The following MIER3 variants were observed in gnomAD, a reference collection of about 807,000 sequenced individuals.
MIER3 encodes MIER family member 3.
Under a neutral mutation model 63.2 loss-of-function variants are expected in MIER3, and 9 were observed. That is an observed-to-expected ratio of 0.14 (90% confidence interval 0.09 to 0.25). MIER3 has a LOEUF of 0.25. MIER3 is among the 10% of genes least tolerant of loss of function. The probability of loss-of-function intolerance (pLI) is 1.00; values close to 1 mark genes in which losing one functional copy is unlikely to be tolerated. For synonymous variants in MIER3, 205 were observed against 224.9 expected (o/e 0.91, Z 0.79); for missense variants, 512 against 666.2 (o/e 0.77, Z 2.55).
chr5:56,943,103 C>T (rs1290230049), intron 3 of MIER3, among the ~76,000 whole-genome samples: 12 of 152,016 alleles, frequency 7.9e-5, no homozygotes, highest in Admixed American at 7.9e-4. Context: ...CATGATGATA[C>T]CGCTGCACTC....
Position 56,935,430 on chromosome 5 carries a change from T to C in MIER3, c.593A>G (p.Lys198Arg). The change falls in exon 7 of 13, where the codon AAA becomes AGA. Residue 198 changes from lysine to arginine, a missense_variant and splice_region_variant. Lys to Arg is a conservative substitution (Grantham distance 26). This residue lies in a region of MIER3 where 118 missense variants were observed against 133.6 expected (regional missense o/e 0.88). Coordinates refer to ENST00000381199, the MANE Select transcript of MIER3 (RefSeq NM_001297599.2). ...PYLGEYDGNEKVYENEDQLLW... is the reference protein window; with the variant it reads ...PYLGEYDGNERVYENEDQLLW... ...TCAAAATCAAAAGCTTTCCTTACCT[T>C]TCTCATTACCATCGTACTCTCCAAG... The C allele has an allele frequency of 6.3e-7, 1 of 1,580,914 alleles. No homozygotes were observed. Among genetic ancestry groups the C allele is most frequent in the Non-Finnish European group, 8.6e-7 (1 of 1,169,118 alleles).
At chr5:56,929,754 A>G (rs879164762) in intron 9 of MIER3, among the ~76,000 whole-genome samples, 1 of 152,202 alleles carries the variant, frequency 6.6e-6, no homozygotes, top group Non-Finnish European at 1.5e-5. Context: ...ATGTTGGTGA[A>G]TTCCGTATCT....
At chr5:56,940,753 T>G (rs1750617727) in intron 3 of MIER3, among the ~76,000 whole-genome samples, 1 of 152,244 alleles carries the variant, frequency 6.6e-6, no homozygotes, top group Non-Finnish European at 1.5e-5. Context: ...ATGGGGAAAC[T>G]TCAATGAATT....
At chr5:56,935,406 C>A (rs1164383094) in intron 7 of MIER3, 22 bp downstream of exon 7, 1 of 1,550,664 alleles carries the variant, frequency 6.4e-7, no homozygotes, top group South Asian at 1.2e-5. Flanking sequence ...CAAACATTAT[C>A]AAAATCAAAA....
chr5:56,944,573 T>C (rs1750763387), intron 3 of MIER3, among the ~76,000 whole-genome samples: 1 of 152,152 alleles, frequency 6.6e-6, no homozygotes, highest in Admixed American at 6.5e-5. Context: ...ACACAACTGA[T>C]GGTATCACTG....
At chr5:56,952,026 CG>C in intron 1 of MIER3, 67 bp downstream of exon 1, 4 of 1,229,282 alleles carry the variant, frequency 3.3e-6, no homozygotes, top group South Asian at 2.1e-5. Flanking sequence ...CAGGCTGGCT[CG>C]GGGGTCGCGG....
intron 8 of MIER3, among the ~76,000 whole-genome samples, chr5:56,932,217 G>A (rs1251857299): frequency 6.6e-6 from 1 of 151,984 alleles, no homozygotes; most frequent in African/African-American, 2.4e-5. Context: ...CTGACATTGC[G>A]CCACTGCACT....
At chr5:56,929,959 G>A (rs1171599590) in intron 9 of MIER3, among the ~76,000 whole-genome samples, 5 of 152,100 alleles carry the variant, frequency 3.3e-5, no homozygotes, top group African/African-American at 1.2e-4. Flanking sequence ...AGTTTTGAGA[G>A]CCTAAAATAA....
At position 56,922,961 on chromosome 5, in the gene MIER3, G is replaced by A. The variant is rs1579828381; in HGVS notation, c.*167C>T. The A allele has an allele frequency of 1.6e-6, 1 of 628,890 alleles. No individual in the cohort carries two copies. Among genetic ancestry groups the A allele is most frequent in the Non-Finnish European group, 2.7e-6 (1 of 366,260 alleles). 39.0% of individuals were successfully genotyped at this position (628,890 alleles called of 1,614,324 possible). On this transcript the variant is annotated 3_prime_UTR_variant, in exon 13 of 13. Coordinates refer to ENST00000381199, the MANE Select transcript of MIER3 (RefSeq NM_001297599.2). ...TAGTTCATTTCCACATTTATGGATT[G>A]AAAAATGAAAATACTCTTGATAAAT... is the stretch of plus-strand genomic sequence containing the variant.
chr5:56,933,988 T>G (rs1750360077), intron 7 of MIER3, among the ~76,000 whole-genome samples: 1 of 152,060 alleles, frequency 6.6e-6, no homozygotes, highest in Non-Finnish European at 1.5e-5. Context: ...TTCCACAATC[T>G]CTTAAAGACA....
chr5:56,939,197 T>C (rs1198265609), intron 3 of MIER3, among the ~76,000 whole-genome samples, 180 bp from the exon 4 acceptor site: 1 of 152,256 alleles, frequency 6.6e-6, no homozygotes, highest in Admixed American at 6.5e-5. Context: ...CCTGGAGCTA[T>C]AATTAATGTA....
chr5:56,937,785 G>C lies in MIER3; in HGVS notation c.316-87C>G, dbSNP rs960799995. 5.9e-6 allele frequency: 7 copies of C among 1,177,502 alleles called. No individual in the cohort carries two copies. The African/African-American group carries it at 9.6e-5, about 16-fold the overall frequency. 72.9% of individuals were successfully genotyped at this position (1,177,502 alleles called of 1,614,324 possible). A position where few individuals can be genotyped will look rare whatever the true frequency, so the allele number is the denominator to read the frequency against. ...CTATCTTTTTATAACATATCATTAA[G>C]AAGCAGTTGGAACCTTATGAGAGAA... On this transcript the variant is annotated intron_variant, in intron 4 of 12. Coordinates refer to ENST00000381199, the MANE Select transcript of MIER3 (RefSeq NM_001297599.2).
Position 56,938,242 on chromosome 5 carries a change from G to T in MIER3, c.316-544C>A, listed in dbSNP as rs565818937. ...TTGTTGAATGACTATGGTCATTAAG[G>T]TCTGTGGTACATTAATATCACATTG... On this transcript the variant is annotated intron_variant, in intron 4 of 12. Transcript: ENST00000381199. 50 of 471,142 alleles carry T rather than the reference G, an allele frequency of 1.1e-4. 1 individual carries two copies. The highest frequency in any genetic ancestry group is 7.6e-4 in the South Asian group (49 of 64,572). 29.2% of individuals were successfully genotyped at this position (471,142 alleles called of 1,614,324 possible). A position where few individuals can be genotyped will look rare whatever the true frequency, so the allele number is the denominator to read the frequency against.
intron 8 of MIER3, among the ~76,000 whole-genome samples, chr5:56,932,748 G>C (rs192188150): frequency 5.3e-4 from 80 of 152,220 alleles, no homozygotes; most frequent in Admixed American, 2.6e-3. Context: ...AGTCTTAATA[G>C]ACATTACTTT....
At chr5:56,923,665 T>A (rs1749802288) in intron 12 of MIER3, 26 bp downstream of exon 12, 2 of 1,614,120 alleles carry the variant, frequency 1.2e-6, no homozygotes, top group Non-Finnish European at 1.7e-6. Flanking sequence ...CAAACTGTAC[T>A]AAATGCAGAA....
At chr5:56,941,960 T>C (rs1329457564) in intron 3 of MIER3, among the ~76,000 whole-genome samples, 1 of 152,066 alleles carries the variant, frequency 6.6e-6, no homozygotes, top group Non-Finnish European at 1.5e-5. Context: ...AGCAATTGCC[T>C]AGATGGTGGT....
intron 1 of MIER3, among the ~76,000 whole-genome samples, chr5:56,951,014 C>G (rs1223095925): frequency 6.6e-6 from 1 of 152,172 alleles, no homozygotes; most frequent in Non-Finnish European, 1.5e-5. Flanking sequence ...CCAAATCCCA[C>G]CCGGCTCTCC....
chr5:56,938,525 G>T lies in MIER3; in HGVS notation c.315+358C>A, dbSNP rs1174758143. Among the ~76,000 whole-genome samples, 3 of 152,172 alleles carry T rather than the reference G, an allele frequency of 2.0e-5. No individual in the cohort carries two copies. The East Asian group carries it at 5.8e-4, about 29-fold the overall frequency. ...CAGAACTTCTCTCCAACCACTCCAC[G>T]CCTAAGCCAGCTTGGTTTGAAGGCT... is the stretch of plus-strand genomic sequence containing the variant. On this transcript the variant is annotated intron_variant, in intron 4 of 12. Coordinates refer to ENST00000381199, the MANE Select transcript of MIER3 (RefSeq NM_001297599.2).
intron 2 of MIER3, among the ~76,000 whole-genome samples, chr5:56,948,233 A>G (rs1358080980): frequency 6.6e-6 from 1 of 152,258 alleles, no homozygotes; most frequent in Non-Finnish European, 1.5e-5. Context: ...TTCTGGGTTC[A>G]GAGAACTCTA....
Sources: allele counts gnomAD v4.1 joint callset (sites outside exome capture counted in the v4.1 genomes callset), GRCh38; gene constraint gnomAD v4.1.1; regional missense constraint gnomAD v4.1.1; transcripts MANE v1.5; gene names NCBI Gene and HGNC (gene_info 2026-07-23, HGNC 2026-07-21).